TULP4: variants seen among roughly 807,000 people sequenced by gnomAD.
The protein encoded by TULP4 is tubby-related protein 4.
In TULP4, 16 loss-of-function variants were observed where a neutral mutation model predicts 129.0. The observed-to-expected ratio is 0.12, with a 90% CI of 0.08 to 0.19. TULP4 has a LOEUF of 0.19. TULP4 is among the 10% of genes least tolerant of loss of function. TULP4 has a pLI of 1.00. For synonymous variants in TULP4, 998 were observed against 854.0 expected, an observed-to-expected ratio of 1.17 and a Z score of -2.94; for missense variants, 1,842 against 2,059.1, an observed-to-expected ratio of 0.89 and a Z score of 2.04.
At chr6:158,417,046 A>G (rs1778227008) in intron 2 of TULP4, among the ~76,000 whole-genome samples, 1 of 152,210 alleles carries the variant, frequency 6.6e-6, no homozygotes, top group African/African-American at 2.4e-5. Context: ...TGATGATCAC[A>G]CAACAAGGGA....
rs905763229 is a variant in TULP4, at chr6:158,241,873, A to G, written n.68+9570A>G. On this transcript the variant is annotated intron_variant and non_coding_transcript_variant, in intron 1 of 1. Transcript: ENST00000620026. ...CTCCCAAAGTGCTGGGATTACAGGC[A>G]TGAGCCACCGCGCCAGGCCAGCTTT... 4.7e-5 allele frequency: 33 copies of G among 695,414 alleles called. 1 individual carries two copies. In the Middle Eastern group the frequency reaches 1.2e-3, roughly 25 times the overall value. The allele number at this position is 695,414 out of a possible 1,614,324, so 43.1% of individuals were successfully genotyped here. A position where few individuals can be genotyped will look rare whatever the true frequency, so the allele number is the denominator to read the frequency against.
At chr6:158,396,153 G>A (rs1777709443) in intron 1 of TULP4, among the ~76,000 whole-genome samples, 2 of 152,144 alleles carry the variant, frequency 1.3e-5, no homozygotes, top group Non-Finnish European at 2.9e-5. Flanking sequence ...TGTTAGTAGA[G>A]AACCAAGCAG....
At chr6:158,389,036 G>A (rs984096693) in intron 1 of TULP4, among the ~76,000 whole-genome samples, 4 of 152,342 alleles carry the variant, frequency 2.6e-5, no homozygotes, top group Middle Eastern at 6.8e-3. Flanking sequence ...TCAATGTGAT[G>A]TGGTGTACTG....
intron 1 of TULP4, among the ~76,000 whole-genome samples, chr6:158,266,983 C>T (rs920825365): frequency 2.6e-5 from 4 of 152,198 alleles, no homozygotes; most frequent in Non-Finnish European, 5.9e-5. Context: ...CTTCCCCAGC[C>T]TCTGATAACC....
chr6:158,286,096 T>C (rs998822709), intron 1 of TULP4, among the ~76,000 whole-genome samples: 2 of 152,368 alleles, frequency 1.3e-5, no homozygotes, highest in Middle Eastern at 3.4e-3. Context: ...ATGAAAATAT[T>C]TGGCTGTAAA....
At chr6:158,269,571 T>G (rs1778509915) in intron 1 of TULP4, among the ~76,000 whole-genome samples, 1 of 152,148 alleles carries the variant, frequency 6.6e-6, no homozygotes, top group Non-Finnish European at 1.5e-5. Context: ...ATTTTAACCT[T>G]TTTTTCTCCG....
intron 1 of TULP4, among the ~76,000 whole-genome samples, chr6:158,365,357 A>C (rs1218604832): frequency 6.6e-6 from 1 of 150,898 alleles, no homozygotes; most frequent in Non-Finnish European, 1.5e-5. Flanking sequence ...AGGATTTTGA[A>C]TAGGTTTTTG....
chr6:158,337,025 CTTTCTTTCTTT>C (rs2114736298), intron 1 of TULP4, among the ~76,000 whole-genome samples: 1 of 5,198 alleles, frequency 1.9e-4, no homozygotes, highest in African/African-American at 3.9e-4. Context: ...GTAAAATTTT[CTTTCTTTCTTT>C]TTCTTTCTTT....
At chr6:158,368,438 G>A (rs1184905049) in intron 1 of TULP4, among the ~76,000 whole-genome samples, 1 of 152,160 alleles carries the variant, frequency 6.6e-6, no homozygotes, top group Non-Finnish European at 1.5e-5. Flanking sequence ...AAGTAGCTGG[G>A]TAGTTTAACT....
rs987104183 is a variant in TULP4 at position 158,256,343 on chromosome 6, C to T, written n.68+24040C>T. ...TATAACTTCTGTGTGTGTGTGTATA[C>T]GTGGTATGTATACTAACATGTACAC... On this transcript the variant is annotated intron_variant and non_coding_transcript_variant, in intron 1 of 1. Transcript: ENST00000620026. 4.6e-5 allele frequency among the ~76,000 whole-genome samples: 7 copies of T among 152,188 alleles called. No individual in the cohort carries two copies. The South Asian group carries it at 6.2e-4, about 14-fold the overall frequency.
chr6:158,490,384 C>T (rs1390845284), intron 9 of TULP4, among the ~76,000 whole-genome samples: 4 of 152,166 alleles, frequency 2.6e-5, no homozygotes, highest in Non-Finnish European at 4.4e-5. Flanking sequence ...TAGAGCAAGA[C>T]TGCACCTCAA....
chr6:158,489,842 C>T, intron 9 of TULP4, 110 bp downstream of exon 9: 1 of 1,307,002 alleles, frequency 7.7e-7, no homozygotes, highest in African/African-American at 1.5e-5. Flanking sequence ...AGAGCAACCT[C>T]CCTGCCTTTT....
At chr6:158,489,449 AGCTTCT>A (rs1780145931) in intron 8 of TULP4, 133 bp from the exon 9 acceptor site, 2 of 1,000,974 alleles carry the variant, frequency 2.0e-6, no homozygotes, top group Admixed American at 5.0e-5. Context: ...AACAATGCCA[AGCTTCT>A]TTTTGGTTTC....
At chr6:158,372,130 T>G (rs1166257634) in intron 1 of TULP4, among the ~76,000 whole-genome samples, 2 of 75,570 alleles carry the variant, frequency 2.6e-5, no homozygotes, top group East Asian at 4.8e-4. Flanking sequence ...CTAGTTTTTT[T>G]TTTTTTTTTT....
intron 3 of TULP4, among the ~76,000 whole-genome samples, chr6:158,435,722 A>T (rs891244445): frequency 1.5e-4 from 23 of 151,670 alleles, no homozygotes; most frequent in Middle Eastern, 3.2e-3. Flanking sequence ...CACCACCACC[A>T]CCATGCTTGC....
chr6:158,353,422 A>G (rs992594914), intron 1 of TULP4, among the ~76,000 whole-genome samples: 21 of 152,184 alleles, frequency 1.4e-4, no homozygotes, highest in African/African-American at 4.8e-4. Context: ...TTGCTTTGCA[A>G]TTTTATTTTC....
chr6:158,337,791 A>T (rs1780082154), intron 1 of TULP4, among the ~76,000 whole-genome samples: 2 of 149,200 alleles, frequency 1.3e-5, no homozygotes, highest in South Asian at 2.1e-4. Context: ...TGAATGTTTG[A>T]TTTTTTTTTT....
intron 4 of TULP4, 97 bp downstream of exon 4, chr6:158,449,273 C>A: frequency 7.7e-7 from 1 of 1,304,566 alleles, no homozygotes; most frequent in Non-Finnish European, 1.0e-6. Context: ...GGTGAAGGGC[C>A]GCCACACCTA....
At chr6:158,459,286 T>G (rs1779364889) in intron 5 of TULP4, among the ~76,000 whole-genome samples, 1 of 152,078 alleles carries the variant, frequency 6.6e-6, no homozygotes, top group African/African-American at 2.4e-5. Flanking sequence ...CAAAATTAGC[T>G]GGGCATGGTG....
Sources: gnomAD v4.1 joint callset for allele counts (sites outside exome capture counted in the v4.1 genomes callset) on GRCh38, gnomAD v4.1.1 for gene constraint, MANE v1.5 for transcripts, NCBI Gene and HGNC (gene_info 2026-07-23, HGNC 2026-07-21) for gene names.